The following PSME3IP1 variants were observed in gnomAD, a reference collection of about 807,000 sequenced individuals.
PSME3IP1 encodes proteasome activator subunit 3 interacting protein 1.
PSME3IP1 carries 13 observed loss-of-function variants against 34.1 expected under a neutral mutation model. That is an observed-to-expected ratio of 0.38 (90% CI 0.25 to 0.61). The LOEUF is 0.61. Among genes scored for constraint, PSME3IP1 ranks in the 20% least tolerant of loss-of-function variants. PSME3IP1 has a pLI of 0.60. For synonymous variants in PSME3IP1, 93 were observed against 114.3 expected (o/e 0.81, Z 1.19); for missense variants, 237 against 301.4 (o/e 0.79, Z 1.58).
intron 4 of PSME3IP1, among the ~76,000 whole-genome samples, chr16:57,170,174 C>T (rs753330194): frequency 6.6e-6 from 1 of 151,592 alleles, no homozygotes; most frequent in Non-Finnish European, 1.5e-5. Flanking sequence ...TCTCCACCTT[C>T]CAGGTTCAAG....
chr16:57,162,337 T>G (rs1270827305), intron 6 of PSME3IP1, among the ~76,000 whole-genome samples: 1 of 152,166 alleles, frequency 6.6e-6, no homozygotes, highest in Non-Finnish European at 1.5e-5. Context: ...ATATTACAGT[T>G]GAGAGATATA....
At chr16:57,182,862 A>G (rs2073858320) in intron 1 of PSME3IP1, among the ~76,000 whole-genome samples, 1 of 152,202 alleles carries the variant, frequency 6.6e-6, no homozygotes, top group Non-Finnish European at 1.5e-5. Context: ...GTGAGCCGAG[A>G]TCGCGCCACT....
At position 57,161,664 on chromosome 16, in the gene PSME3IP1, CA is replaced by C. The variant is rs570502022; in HGVS notation, c.547+2336del. On this transcript the variant is annotated intron_variant, in intron 6 of 6. Coordinates refer to ENST00000309137, the MANE Select transcript of PSME3IP1 (RefSeq NM_024946.4). ...AGTAGCTGGGACTACAGGCATCCGC[CA>C]GCACACCCAGCTAATTTTTTGTATT... 6.7e-4 allele frequency among the ~76,000 whole-genome samples: 102 copies of C among 151,858 alleles called. 2 individuals are homozygous for C. The highest frequency in any genetic ancestry group is 6.2e-3 in the Admixed American group (94 of 15,248).
chr16:57,163,260 C>T (rs1341135635), intron 6 of PSME3IP1, among the ~76,000 whole-genome samples: 2 of 151,800 alleles, frequency 1.3e-5, no homozygotes, highest in Non-Finnish European at 2.9e-5. Context: ...TTTTTTCCCC[C>T]AGACTCTTCT....
intron 5 of PSME3IP1, 142 bp downstream of exon 5, chr16:57,166,951 G>A (rs2071948099): frequency 1.1e-6 from 1 of 890,800 alleles, no homozygotes; most frequent in Non-Finnish European, 1.8e-6. Flanking sequence ...CCTCAAATCT[G>A]GAAAGGGAGA....
Position 57,165,153 on chromosome 16 carries a change from T to TTATATATATATA in PSME3IP1, c.483-1100_483-1089dup, listed in dbSNP as rs142649591. Among the ~76,000 whole-genome samples the TTATATATATATA allele has an allele frequency of 2.5e-3, 366 of 147,658 alleles. 1 individual carries two copies. The highest frequency in any genetic ancestry group is 8.8e-3 in the African/African-American group (355 of 40,510). ...ATATTTTGCAGCCTCTAAGACACTG[T>TTATATATATATA]TATATATATATATATATATCATCAT... On this transcript the variant is annotated intron_variant, in intron 5 of 6. Coordinates refer to ENST00000309137, the MANE Select transcript of PSME3IP1 (RefSeq NM_024946.4).
chr16:57,178,286 T>C (rs1466062387), intron 1 of PSME3IP1, among the ~76,000 whole-genome samples: 2 of 152,210 alleles, frequency 1.3e-5, no homozygotes, highest in African/African-American at 4.8e-5. Context: ...AGAATCAGAC[T>C]AAAGACCATC....
intron 1 of PSME3IP1, among the ~76,000 whole-genome samples, chr16:57,184,684 GCTTGATTCTAACCAAGCA>G (rs2074011822): frequency 1.3e-5 from 2 of 152,356 alleles, no homozygotes; most frequent in South Asian, 4.1e-4. Flanking sequence ...TAAAGCAGCA[GCTTGATTCTAACCAAGCA>G]TCACCATTCT....
intron 4 of PSME3IP1, among the ~76,000 whole-genome samples, chr16:57,167,435 A>T (rs1334183403): frequency 6.6e-6 from 1 of 152,222 alleles, no homozygotes; most frequent in Non-Finnish European, 1.5e-5. Context: ...AATAATACAG[A>T]TAAGCAACCT....
At chr16:57,185,781 C>T (rs547524899) in intron 1 of PSME3IP1, 40 bp downstream of exon 1, 4 of 985,378 alleles carry the variant, frequency 4.1e-6, no homozygotes, top group Admixed American at 6.1e-5. Flanking sequence ...AAGCTGGAAC[C>T]CAGGTGTCGC....
chr16:57,174,737 G>A, intron 1 of PSME3IP1: 1 of 961,268 alleles, frequency 1.0e-6, no homozygotes, highest in Non-Finnish European at 1.2e-6. Context: ...AAGTGAGACT[G>A]GAAGAACAGA....
intron 1 of PSME3IP1, among the ~76,000 whole-genome samples, chr16:57,176,164 G>C (rs1262239365): frequency 6.6e-6 from 1 of 152,146 alleles, no homozygotes; most frequent in Non-Finnish European, 1.5e-5. Flanking sequence ...TATGAAACCA[G>C]AGCCAACAAT....
At chr16:57,161,088 A>C (rs1471690566) in intron 6 of PSME3IP1, among the ~76,000 whole-genome samples, 1 of 152,272 alleles carries the variant, frequency 6.6e-6, no homozygotes, top group Non-Finnish European at 1.5e-5. Flanking sequence ...CAACATTGCC[A>C]AATTAATCTA....
intron 4 of PSME3IP1, 52 bp downstream of exon 4, chr16:57,172,199 G>A: frequency 6.3e-7 from 1 of 1,599,208 alleles, no homozygotes; most frequent in Non-Finnish European, 8.5e-7. Context: ...ATCCATAGAT[G>A]CTGATGAGAA....
intron 1 of PSME3IP1, 43 bp from the exon 2 acceptor site, chr16:57,173,912 G>A: frequency 6.4e-7 from 1 of 1,567,166 alleles, no homozygotes; most frequent in South Asian, 1.2e-5. Context: ...TTTCAAGTGA[G>A]AACTGCAATT....
intron 4 of PSME3IP1, among the ~76,000 whole-genome samples, chr16:57,170,944 G>T (rs1394052679): frequency 6.6e-6 from 1 of 152,112 alleles, no homozygotes; most frequent in African/African-American, 2.4e-5. Flanking sequence ...GTGGTGGCAT[G>T]CACCTGTAAC....
chr16:57,173,160 T>G, intron 2 of PSME3IP1, among the ~76,000 whole-genome samples: 1 of 152,212 alleles, frequency 6.6e-6, no homozygotes. Context: ...AGCAGTGTTC[T>G]CAGTTGTTCA....
chr16:57,179,655 C>T (rs1001035786), intron 1 of PSME3IP1, among the ~76,000 whole-genome samples: 2 of 152,230 alleles, frequency 1.3e-5, no homozygotes, highest in Admixed American at 6.5e-5. Context: ...TGAGTGTTTA[C>T]ATCACTGGCC....
intron 1 of PSME3IP1, among the ~76,000 whole-genome samples, chr16:57,182,186 G>C (rs1170251111): frequency 2.0e-5 from 3 of 152,104 alleles, no homozygotes; most frequent in Non-Finnish European, 4.4e-5. Flanking sequence ...GATTATAGGA[G>C]TCATATGCCA....
Sources: allele counts gnomAD v4.1 joint callset (sites outside exome capture counted in the v4.1 genomes callset), GRCh38; gene constraint gnomAD v4.1.1; transcripts MANE v1.5; gene names NCBI Gene and HGNC (gene_info 2026-07-23, HGNC 2026-07-21).